Variants in LYPLAL1 observed in about 807,000 individuals in gnomAD.
LYPLAL1 encodes the protein lysophospholipase like 1, also known as lysophospholipase-like protein 1.
A neutral mutation model predicts 19.7 loss-of-function variants in LYPLAL1; 23 were observed. That is an observed-to-expected ratio of 1.17 (90% CI 0.84 to 1.65). The LOEUF is 1.65. Ranked by LOEUF, LYPLAL1 falls within the 40% of genes most tolerant of loss-of-function variation. The probability of loss-of-function intolerance (pLI) is 0.00; values close to 1 mark genes in which losing one functional copy is unlikely to be tolerated. For missense variants in LYPLAL1, 355 were observed against 279.4 expected, an observed-to-expected ratio of 1.27 and a Z score of -1.93; for synonymous variants, 119 against 96.3, an observed-to-expected ratio of 1.24 and a Z score of -1.38.
chr1:219,381,124 C>T, the LYPLAL1 span, among the ~76,000 whole-genome samples: 1 of 152,070 alleles, frequency 6.6e-6, no homozygotes, highest in South Asian at 2.1e-4. Flanking sequence ...TGAGAGGGAC[C>T]GGGTGGGAGG....
At position 219,181,183 on chromosome 1, in the gene LYPLAL1, C is replaced by A. The variant is rs538912568; in HGVS notation, c.191+1937C>A. On this transcript the variant is annotated intron_variant, in intron 2 of 4. Transcript: ENST00000366928. ...TTAAAGTGATATTTTATATTTTTTA[C>A]ACTAAATTTTTGAAAATTGGCATGT... Among the ~76,000 whole-genome samples, 18 of 152,200 alleles carry A rather than the reference C, an allele frequency of 1.2e-4. 1 individual carries two copies. The East Asian group carries it at 1.9e-3, about 16-fold the overall frequency.
chr1:219,188,035 C>A (rs950561469), intron 2 of LYPLAL1, among the ~76,000 whole-genome samples: 2 of 151,606 alleles, frequency 1.3e-5, no homozygotes, highest in Non-Finnish European at 3.0e-5. Context: ...ATATTTGGAG[C>A]AAAAATAAAA....
chr1:219,385,135 A>C, the LYPLAL1 span, among the ~76,000 whole-genome samples: 1 of 152,186 alleles, frequency 6.6e-6, no homozygotes, highest in Admixed American at 6.5e-5. Context: ...TAAACATTTT[A>C]GATACAAGGC....
the LYPLAL1 span, among the ~76,000 whole-genome samples, chr1:219,307,930 C>T: frequency 2.6e-5 from 4 of 152,158 alleles, no homozygotes; most frequent in Non-Finnish European, 5.9e-5. Context: ...CTTTTTTCTT[C>T]CCAGTCTTGG....
the LYPLAL1 span, among the ~76,000 whole-genome samples, chr1:219,408,931 G>A: frequency 6.6e-6 from 1 of 152,178 alleles, no homozygotes. Context: ...CCATTCAGCA[G>A]TAGGAAAGCT....
the LYPLAL1 span, among the ~76,000 whole-genome samples, chr1:219,285,683 A>G: frequency 1.3e-5 from 2 of 152,216 alleles, no homozygotes; most frequent in South Asian, 2.1e-4. Context: ...CCAGAGAAAC[A>G]TAGTAGATCA....
the LYPLAL1 span, among the ~76,000 whole-genome samples, chr1:219,375,236 G>C: frequency 6.6e-6 from 1 of 152,132 alleles, no homozygotes; most frequent in African/African-American, 2.4e-5. Flanking sequence ...GGAGGCCAAG[G>C]CAGGCAGATC....
chr1:219,239,698 A>T, the LYPLAL1 span, among the ~76,000 whole-genome samples: 1 of 152,238 alleles, frequency 6.6e-6, no homozygotes, highest in Non-Finnish European at 1.5e-5. Flanking sequence ...ACAAGTAAGG[A>T]TTATAATGGC....
chr1:219,378,940 G>A, the LYPLAL1 span, among the ~76,000 whole-genome samples: 1 of 152,138 alleles, frequency 6.6e-6, no homozygotes, highest in African/African-American at 2.4e-5. Context: ...GGGAGAGCTT[G>A]TTCACCATTA....
At chr1:219,252,525 G>T in the LYPLAL1 span, among the ~76,000 whole-genome samples, 1 of 152,008 alleles carries the variant, frequency 6.6e-6, no homozygotes, top group African/African-American at 2.4e-5. Context: ...GCCTTTTTCT[G>T]TATCTATTGA....
At chr1:219,182,199 C>T (rs892917739) in intron 2 of LYPLAL1, among the ~76,000 whole-genome samples, 2 of 151,802 alleles carry the variant, frequency 1.3e-5, no homozygotes, top group African/African-American at 2.4e-5. Context: ...AGGAGCACTG[C>T]GGTATCATTA....
Position 219,200,960 on chromosome 1 carries a change from C to T in LYPLAL1, c.361+7709C>T, listed in dbSNP as rs142436778. 4.6e-3 allele frequency among the ~76,000 whole-genome samples: 695 copies of T among 152,292 alleles called. 5 individuals carry two copies. Among genetic ancestry groups the T allele is most frequent in the South Asian group, 0.023 (113 of 4,828 alleles). ...ATGAATTTTGAATCTAACTTTATTT[C>T]ATTTTAAAGCCAACGATTCTTACAT... On this transcript the variant is annotated intron_variant, in intron 3 of 4. Coordinates refer to ENST00000366928, the MANE Select transcript of LYPLAL1 (RefSeq NM_138794.5).
the LYPLAL1 span, among the ~76,000 whole-genome samples, chr1:219,281,376 A>C: frequency 2.0e-5 from 3 of 152,222 alleles, no homozygotes; most frequent in Admixed American, 2.0e-4. Flanking sequence ...ATATATTTGA[A>C]AATTGGAAAA....
chr1:219,363,353 C>G, the LYPLAL1 span, among the ~76,000 whole-genome samples: 3 of 152,074 alleles, frequency 2.0e-5, no homozygotes, highest in South Asian at 2.1e-4. Flanking sequence ...ATACCAAACA[C>G]AGTACGTAAA....
At chr1:219,352,264 C>T in the LYPLAL1 span, among the ~76,000 whole-genome samples, 4 of 152,222 alleles carry the variant, frequency 2.6e-5, no homozygotes, top group African/African-American at 9.6e-5. Flanking sequence ...GGCGCGGTGG[C>T]TCACGCCTGT....
downstream of LYPLAL1, among the ~76,000 whole-genome samples, chr1:219,213,963 T>C (rs763289966): frequency 6.6e-6 from 1 of 152,140 alleles, no homozygotes; most frequent in Non-Finnish European, 1.5e-5. Flanking sequence ...CATCCTTGTC[T>C]TGTTCCCAGC....
At chr1:219,229,696 T>C in the LYPLAL1 span, among the ~76,000 whole-genome samples, 1 of 152,182 alleles carries the variant, frequency 6.6e-6, no homozygotes, top group Admixed American at 6.5e-5. Flanking sequence ...TAGACACTGC[T>C]GTGGGGTCGG....
the LYPLAL1 span, among the ~76,000 whole-genome samples, chr1:219,315,371 C>T: frequency 2.8e-3 from 424 of 152,078 alleles, 12 homozygotes; most frequent in Admixed American, 0.024. Flanking sequence ...AGTCAATCTT[C>T]GCCTAGAAAA....
Position 219,186,991 on chromosome 1 carries a change from G to A in LYPLAL1, c.192-6091G>A, listed in dbSNP as rs544068051. ...TTTTTCTGATTGCCATAGGGATTAT[G>A]ATATACATAGCAAAGCTTTTTTACC... On this transcript the variant is annotated intron_variant, in intron 2 of 4. Coordinates refer to ENST00000366928, the MANE Select transcript of LYPLAL1 (RefSeq NM_138794.5). 7.9e-4 allele frequency among the ~76,000 whole-genome samples: 118 copies of A among 149,772 alleles called. 1 individual carries two copies. The highest frequency in any genetic ancestry group is 2.7e-3 in the African/African-American group (110 of 41,010).
Sources: allele counts gnomAD v4.1 joint callset (sites outside exome capture counted in the v4.1 genomes callset), GRCh38; gene constraint gnomAD v4.1.1; transcripts MANE v1.5; gene names NCBI Gene and HGNC (gene_info 2026-07-23, HGNC 2026-07-21).